The following NRG3 variants were observed in gnomAD, a reference collection of about 807,000 sequenced individuals.
NRG3 encodes the protein neuregulin 3.
NRG3 carries 31 observed loss-of-function variants against 66.9 expected under a neutral mutation model. The ratio of observed to expected loss-of-function variants is 0.46; its 90% CI spans 0.35 to 0.63. The LOEUF (loss-of-function observed/expected upper bound fraction) is 0.63, where lower values mean the gene tolerates loss of function less well. NRG3 is among the 20% of genes least tolerant of loss of function. The probability of loss-of-function intolerance (pLI) is 0.00; values close to 1 mark genes in which losing one functional copy is unlikely to be tolerated. For synonymous variants in NRG3, 393 were observed against 359.4 expected (o/e 1.09, Z -1.06); for missense variants, 910 against 878.9 (o/e 1.04, Z -0.45).
chr10:82,467,669 G>T (rs1406500036), intron 2 of NRG3, among the ~76,000 whole-genome samples: 1 of 152,208 alleles, frequency 6.6e-6, no homozygotes, highest in Non-Finnish European at 1.5e-5. Context: ...GCACTCACTG[G>T]TGACTTGTGA....
intron 3 of NRG3, among the ~76,000 whole-genome samples, chr10:82,851,858 G>GA (rs2063577353): frequency 6.6e-6 from 1 of 152,158 alleles, no homozygotes. Context: ...ACTTGGAGAA[G>GA]ATGGGCAAGC....
At chr10:81,932,048 A>G (rs1847400016) in intron 1 of NRG3, among the ~76,000 whole-genome samples, 1 of 152,214 alleles carries the variant, frequency 6.6e-6, no homozygotes, top group Non-Finnish European at 1.5e-5. Flanking sequence ...CAGGTTTTAT[A>G]GAAAGCTGGA....
chr10:82,198,298 T>TTTTTGTTTTG (rs71007300), intron 1 of NRG3, among the ~76,000 whole-genome samples: 21 of 151,154 alleles, frequency 1.4e-4, no homozygotes, highest in African/African-American at 3.6e-4. Flanking sequence ...GACAGTTTTG[T>TTTTTGTTTTG]TTTTGTTTTG....
rs757619248 is a variant in NRG3, at chr10:82,986,968, G to C, written c.*1363G>C. On this transcript the variant is annotated 3_prime_UTR_variant, in exon 9 of 9. Coordinates refer to ENST00000372141, the MANE Select transcript of NRG3 (RefSeq NM_001010848.4). Reference sequence around the variant, plus strand: ...GCCCCCCAAAAGAACAGTAAATTGTGTTGTATGTTCATTTGGAATAAAGCA... The same window carrying C: ...GCCCCCCAAAAGAACAGTAAATTGTCTTGTATGTTCATTTGGAATAAAGCA... The C allele has an allele frequency of 6.6e-6, 1 of 152,136 alleles. No homozygotes were observed. Among genetic ancestry groups the C allele is most frequent in the Non-Finnish European group, 1.5e-5 (1 of 68,032 alleles). The allele number at this position is 152,136 out of a possible 1,614,324, so 9.4% of individuals were successfully genotyped here. A position where few individuals can be genotyped will look rare whatever the true frequency, so the allele number is the denominator to read the frequency against.
intron 1 of NRG3, among the ~76,000 whole-genome samples, chr10:81,885,872 G>T (rs1449811140): frequency 2.0e-5 from 3 of 152,064 alleles, no homozygotes; most frequent in Admixed American, 2.0e-4. Flanking sequence ...TTTCAGCATG[G>T]TGGAAAAATC....
chr10:82,925,131 G>C (rs1420937227), intron 4 of NRG3, among the ~76,000 whole-genome samples: 1 of 152,166 alleles, frequency 6.6e-6, no homozygotes, highest in Non-Finnish European at 1.5e-5. Flanking sequence ...CTCAAAGTTA[G>C]TTTACTTAGT....
At chr10:82,412,312 G>T (rs1366870181) in intron 2 of NRG3, among the ~76,000 whole-genome samples, 3 of 152,124 alleles carry the variant, frequency 2.0e-5, no homozygotes, top group Admixed American at 2.0e-4. Flanking sequence ...TAAAGAAAAT[G>T]GTGCAATAAA....
chr10:82,842,341 C>A (rs929861093), intron 3 of NRG3, among the ~76,000 whole-genome samples: 1 of 152,162 alleles, frequency 6.6e-6, no homozygotes, highest in Non-Finnish European at 1.5e-5. Flanking sequence ...ACTTGGCTTA[C>A]CGAATGATCA....
At chr10:82,464,762 C>T (rs553584267) in intron 2 of NRG3, among the ~76,000 whole-genome samples, 1 of 152,252 alleles carries the variant, frequency 6.6e-6, no homozygotes, top group South Asian at 2.1e-4. Context: ...AATTAATTAT[C>T]AGAAAAAGGG....
At chr10:82,380,495 A>T (rs1187153297) in intron 2 of NRG3, among the ~76,000 whole-genome samples, 1 of 152,156 alleles carries the variant, frequency 6.6e-6, no homozygotes, top group African/African-American at 2.4e-5. Flanking sequence ...AAACGCAGCA[A>T]TCCAGTAGAA....
intron 2 of NRG3, among the ~76,000 whole-genome samples, chr10:82,556,040 G>A (rs2044628865): frequency 1.3e-5 from 2 of 152,034 alleles, no homozygotes; most frequent in African/African-American, 4.8e-5. Context: ...AAATTCAGTT[G>A]CCCCGTATTT....
intron 1 of NRG3, among the ~76,000 whole-genome samples, chr10:82,202,850 A>T (rs185490486): frequency 8.1e-4 from 123 of 152,346 alleles, no homozygotes; most frequent in Non-Finnish European, 1.6e-3. Context: ...GAAGAAAAAC[A>T]TGTGTCATAA....
intron 1 of NRG3, among the ~76,000 whole-genome samples, chr10:82,033,355 A>G (rs1485190265): frequency 1.3e-5 from 2 of 152,200 alleles, no homozygotes; most frequent in East Asian, 1.9e-4. Context: ...TCTTTATTGG[A>G]TAACTAGTAT....
intron 2 of NRG3, among the ~76,000 whole-genome samples, chr10:82,529,728 G>C (rs1001433267): frequency 3.3e-5 from 5 of 152,046 alleles, no homozygotes; most frequent in African/African-American, 1.2e-4. Flanking sequence ...ACCTAAATCT[G>C]CTAAAGAAAC....
intron 2 of NRG3, among the ~76,000 whole-genome samples, chr10:82,600,679 A>G (rs2047567763): frequency 6.6e-6 from 1 of 152,196 alleles, no homozygotes; most frequent in Non-Finnish European, 1.5e-5. Context: ...CATGTTGGCC[A>G]GGCTGGTCTC....
At chr10:82,293,057 A>C (rs758857535) in intron 1 of NRG3, among the ~76,000 whole-genome samples, 1 of 152,190 alleles carries the variant, frequency 6.6e-6, no homozygotes, top group African/African-American at 2.4e-5. Context: ...CAAAATAAAA[A>C]ATTGAATTCA....
intron 3 of NRG3, among the ~76,000 whole-genome samples, chr10:82,796,436 C>T (rs2060804383): frequency 1.3e-5 from 2 of 152,260 alleles, no homozygotes; most frequent in African/African-American, 4.8e-5. Flanking sequence ...AGTGCTGCAG[C>T]CCTCTGGACC....
intron 1 of NRG3, among the ~76,000 whole-genome samples, chr10:82,269,174 C>T (rs867397663): frequency 5.9e-5 from 9 of 152,066 alleles, no homozygotes; most frequent in African/African-American, 1.9e-4. Flanking sequence ...CTATTTTATC[C>T]ACTCTTTCTA....
intron 1 of NRG3, among the ~76,000 whole-genome samples, chr10:81,969,695 T>C (rs1254704097): frequency 6.6e-6 from 1 of 152,102 alleles, no homozygotes; most frequent in Non-Finnish European, 1.5e-5. Flanking sequence ...AAAAAGTAAA[T>C]CATTCCACAT....
Sources: gnomAD v4.1 joint callset for allele counts (sites outside exome capture counted in the v4.1 genomes callset) on GRCh38, gnomAD v4.1.1 for gene constraint, MANE v1.5 for transcripts, NCBI Gene and HGNC (gene_info 2026-07-23, HGNC 2026-07-21) for gene names.